Variants in CD9 observed in about 807,000 individuals in gnomAD.
The protein encoded by CD9 is CD9 molecule, also known as CD9 antigen.
Under a neutral mutation model 31.4 loss-of-function variants are expected in CD9, and 10 were observed. The ratio of observed to expected loss-of-function variants is 0.32; its 90% confidence interval spans 0.20 to 0.54. The LOEUF is 0.54. CD9 is among the 20% of genes least tolerant of loss of function. CD9 has a pLI of 0.94. For missense variants in CD9, 259 were observed against 300.1 expected (o/e 0.86, Z 1.01); for synonymous variants, 113 against 114.1 (o/e 0.99, Z 0.06).
intron 1 of CD9, among the ~76,000 whole-genome samples, chr12:6,209,261 G>T (rs942826760): frequency 6.6e-6 from 1 of 152,176 alleles, no homozygotes; most frequent in African/African-American, 2.4e-5. Context: ...CACCGGGCTC[G>T]TCGTAGCTTT....
intron 2 of CD9, among the ~76,000 whole-genome samples, chr12:6,229,258 C>T (rs1026425436): frequency 3.9e-5 from 6 of 152,320 alleles, no homozygotes; most frequent in South Asian, 2.1e-4. Context: ...CCCCCTTCCT[C>T]GGCCAGCCCC....
rs117723159 is a variant in CD9 at position 6,230,245 on chromosome 12, G to A, written c.176-2387G>A. 9.1e-4 allele frequency among the ~76,000 whole-genome samples: 139 copies of A among 152,268 alleles called. 2 individuals are homozygous for A. In the East Asian group the frequency reaches 0.025, roughly 28 times the overall value. Reference sequence around the variant, plus strand: ...GGCTAAAGCTAGGCACTGCAGATCCGTAGCCATCCACGCAAGATTTAAAGC... The same window carrying A: ...GGCTAAAGCTAGGCACTGCAGATCCATAGCCATCCACGCAAGATTTAAAGC... On this transcript the variant is annotated intron_variant, in intron 2 of 7. Coordinates refer to ENST00000009180, the MANE Select transcript of CD9 (RefSeq NM_001769.4).
intron 1 of CD9, among the ~76,000 whole-genome samples, chr12:6,219,052 CTGGAG>C (rs1162670965): frequency 6.6e-6 from 1 of 152,140 alleles, no homozygotes; most frequent in Non-Finnish European, 1.5e-5. Flanking sequence ...GTCACCCAGG[CTGGAG>C]TGCAGTGGCT....
At chr12:6,212,097 C>G (rs1946199514) in intron 1 of CD9, among the ~76,000 whole-genome samples, 2 of 152,332 alleles carry the variant, frequency 1.3e-5, no homozygotes, top group East Asian at 3.9e-4. Flanking sequence ...CTGCCACACC[C>G]TGGAGAGGGG....
At chr12:6,227,205 ATT>A (rs375025117) in intron 2 of CD9, among the ~76,000 whole-genome samples, 1 of 148,482 alleles carries the variant, frequency 6.7e-6, no homozygotes. Flanking sequence ...TATTTTTTTT[ATT>A]TTTTTTTTGA....
rs777932393 is a variant in CD9, at chr12:6,237,820, A to T, written c.679A>T (p.Met227Leu). The T allele has an allele frequency of 4.3e-6, 7 of 1,612,094 alleles. No homozygotes were observed. The highest frequency in any genetic ancestry group is 5.9e-6 in the Non-Finnish European group (7 of 1,178,308). Residue 227 changes from methionine (M) to leucine (L), a missense_variant, in exon 8 of 8, where the codon ATG becomes TTG. Met to Leu is a conservative substitution (Grantham distance 15, BLOSUM62 2). Coordinates refer to ENST00000009180, the MANE Select transcript of CD9 (RefSeq NM_001769.4). ...LCCAIRRNRE[M>L]V Reference sequence around the variant, plus strand: ...CTGTGCTATCCGCAGGAACCGCGAGATGGTCTAGAGTCAGCTTACATCCCT... The same window carrying T: ...CTGTGCTATCCGCAGGAACCGCGAGTTGGTCTAGAGTCAGCTTACATCCCT...
At chr12:6,235,349 A>T in intron 5 of CD9, 22 bp downstream of exon 5, 3 of 1,614,104 alleles carry the variant, frequency 1.9e-6, no homozygotes, top group Non-Finnish European at 2.5e-6. Flanking sequence ...TGGCAAAGAC[A>T]CCCTCCTGCG....
intron 1 of CD9, among the ~76,000 whole-genome samples, chr12:6,219,902 CAAAT>C (rs1226726025): frequency 6.6e-6 from 1 of 152,164 alleles, no homozygotes; most frequent in Non-Finnish European, 1.5e-5. Flanking sequence ...GGGTGGATTT[CAAAT>C]ACTTTTTCAC....
intron 1 of CD9, among the ~76,000 whole-genome samples, chr12:6,204,788 A>G (rs1186789411): frequency 2.6e-5 from 4 of 152,132 alleles, no homozygotes; most frequent in African/African-American, 9.7e-5. Flanking sequence ...GGCCCTGGGG[A>G]GGGTGAGAGC....
At position 6,237,844 on chromosome 12, in the gene CD9, C is replaced by T. The variant is rs371007109; in HGVS notation, c.*16C>T. The T allele has an allele frequency of 7.2e-5, 114 of 1,594,292 alleles. No homozygotes were observed. The highest frequency in any genetic ancestry group is 8.9e-5 in the Non-Finnish European group (103 of 1,162,598). ...GATGGTCTAGAGTCAGCTTACATCCCTGAGCAGGAAAGTTTACCCATGAAG... is the reference window on the plus strand; with the variant it reads ...GATGGTCTAGAGTCAGCTTACATCCTTGAGCAGGAAAGTTTACCCATGAAG... On this transcript the variant is annotated 3_prime_UTR_variant, in exon 8 of 8. Transcript: ENST00000009180.
rs1300558226 is a variant in CD9 at position 6,232,711 on chromosome 12, C to G, written c.255C>G (p.Ser85=). The G allele has an allele frequency of 1.3e-6, 2 of 1,565,462 alleles. No homozygotes were observed. Among genetic ancestry groups the G allele is most frequent in the South Asian group, 2.3e-5 (2 of 85,684 alleles). ...GCTGCTGCGGGGCTGTGCAGGAGTCCCAGTGCATGCTGGGACTGGTGAGTA... is the reference window on the plus strand; with the variant it reads ...GCTGCTGCGGGGCTGTGCAGGAGTCGCAGTGCATGCTGGGACTGGTGAGTA... The part of the protein sequence containing the change: ...FLGCCGAVQE[S]QCMLGLFFGF... The change falls in exon 3 of 8, where the codon TCC becomes TCG. Residue 85 remains serine, a synonymous_variant. Coordinates refer to ENST00000009180, the MANE Select transcript of CD9 (RefSeq NM_001769.4). The surrounding 1 kb of genome is among the most constrained non-coding windows in gnomAD (Gnocchi z 4.8).
intron 1 of CD9, among the ~76,000 whole-genome samples, chr12:6,213,930 A>G (rs556638384): frequency 7.5e-4 from 114 of 152,356 alleles, no homozygotes; most frequent in African/African-American, 2.6e-3. Context: ...AAACCCTGTC[A>G]CCAGGTTAAG....
chr12:6,219,301 C>T (rs545278326), intron 1 of CD9, among the ~76,000 whole-genome samples: 156 of 151,898 alleles, frequency 1.0e-3, no homozygotes, highest in African/African-American at 3.4e-3. Flanking sequence ...CCACCGCACC[C>T]GGCCTGCATG....
At chr12:6,224,052 G>A (rs1254847691) in intron 1 of CD9, among the ~76,000 whole-genome samples, 3 of 152,168 alleles carry the variant, frequency 2.0e-5, no homozygotes, top group African/African-American at 7.2e-5. Flanking sequence ...CCTGCCCTAA[G>A]GTGCGGCTGA....
intron 1 of CD9, among the ~76,000 whole-genome samples, chr12:6,217,333 G>A (rs773039114): frequency 1.3e-5 from 2 of 151,836 alleles, no homozygotes; most frequent in Admixed American, 6.6e-5. Flanking sequence ...ACCAGCCTGA[G>A]CAACACGGTG....
intron 1 of CD9, among the ~76,000 whole-genome samples, chr12:6,216,560 G>A (rs1280652855): frequency 6.6e-6 from 1 of 152,200 alleles, no homozygotes; most frequent in East Asian, 1.9e-4. Context: ...CACGGAAGCA[G>A]TTTGTGATCC....
chr12:6,201,120 C>T (rs1312218093), intron 1 of CD9: 1 of 152,314 alleles, frequency 6.6e-6, no homozygotes, highest in Non-Finnish European at 1.5e-5. Flanking sequence ...GCGGGTCCGG[C>T]CCCGGGACCC....
chr12:6,226,640 G>A (rs189852407), intron 2 of CD9, among the ~76,000 whole-genome samples: 31 of 152,250 alleles, frequency 2.0e-4, no homozygotes, highest in Non-Finnish European at 7.4e-5. Flanking sequence ...CCTGTGGATA[G>A]TTTTGCTGGG....
At chr12:6,225,981 G>A (rs1372623090) in intron 2 of CD9, among the ~76,000 whole-genome samples, 1 of 152,150 alleles carries the variant, frequency 6.6e-6, no homozygotes. Flanking sequence ...TCTGAGACTG[G>A]GAAAAACATC....
Sources: allele counts gnomAD v4.1 joint callset (sites outside exome capture counted in the v4.1 genomes callset), GRCh38; gene constraint gnomAD v4.1.1; non-coding constraint Gnocchi (gnomAD v3.1); transcripts MANE v1.5; gene names NCBI Gene and HGNC (gene_info 2026-07-23, HGNC 2026-07-21).